RASSF1: variants seen among roughly 807,000 people sequenced by gnomAD.
RASSF1 encodes the protein Ras association domain family member 1, also known as ras association domain-containing protein 1.
In RASSF1, 33 loss-of-function variants were observed where a neutral mutation model predicts 34.3. The observed-to-expected ratio is 0.96, with a 90% CI of 0.73 to 1.29. RASSF1 has a LOEUF of 1.29. Ranked by LOEUF, RASSF1 falls within the 50% of genes most tolerant of loss-of-function variation. The pLI is 0.00. For synonymous variants in RASSF1, 191 were observed against 195.0 expected (o/e 0.98, Z 0.17); for missense variants, 445 against 471.8 (o/e 0.94, Z 0.53).
At chr3:50,339,770 C>G (rs1468530754) in intron 1 of RASSF1, among the ~76,000 whole-genome samples, 3 of 152,206 alleles carry the variant, frequency 2.0e-5, no homozygotes, top group Non-Finnish European at 4.4e-5. Flanking sequence ...CACACACAGA[C>G]CTGGGACACT....
In RASSF1 at chr3:50,337,899, G is replaced by T; in HGVS notation, c.357+6C>A. 6.3e-7 allele frequency: 1 copy of T among 1,593,244 alleles called. No individual in the cohort carries two copies. The highest frequency in any genetic ancestry group is 8.6e-7 in the Non-Finnish European group (1 of 1,162,432). ...CCTTCCCATACGCCCTCGGCCCCGC[G>T]CTCACCACGTTCGTGTCCCGCTCCA... On this transcript the variant is annotated splice_donor_region_variant and intron_variant, in intron 2 of 5. Coordinates refer to ENST00000359365, the MANE Select transcript of RASSF1 (RefSeq NM_007182.5).
intron 2 of RASSF1, among the ~76,000 whole-genome samples, chr3:50,333,939 CAGAT>C (rs1317969096): frequency 1.3e-5 from 2 of 152,212 alleles, no homozygotes; most frequent in Non-Finnish European, 2.9e-5. Flanking sequence ...CTGTTGACGT[CAGAT>C]AGGCCCTAGT....
At chr3:50,337,405 T>A in intron 2 of RASSF1, 2 of 1,586,660 alleles carry the variant, frequency 1.3e-6, no homozygotes, top group Non-Finnish European at 1.7e-6. Context: ...CGCGTGTCAG[T>A]GTGCGCGTGC....
intron 2 of RASSF1, chr3:50,337,603 G>A: frequency 1.7e-6 from 2 of 1,207,266 alleles, no homozygotes; most frequent in Non-Finnish European, 1.1e-6. Flanking sequence ...GGGTGCCAGC[G>A]TCCGGGCAAG....
rs587745848 is a variant in RASSF1 at position 50,340,816 on chromosome 3, GGCCCGT to G, written c.-17_-12del. 9,344 of 1,483,702 alleles carry G rather than the reference GGCCCGT, an allele frequency of 6.3e-3. 47 individuals are homozygous for G. The highest frequency in any genetic ancestry group is 7.4e-3 in the Non-Finnish European group (8,411 of 1,129,216). 91.9% of individuals were successfully genotyped at this position (1,483,702 alleles called of 1,614,324 possible). A position where few individuals can be genotyped will look rare whatever the true frequency, so the allele number is the denominator to read the frequency against. On this transcript the variant is annotated 5_prime_UTR_variant, in exon 1 of 6. Transcript: ENST00000359365. ...AGGCTCCCCCGACATGGCCCGGTTGGGCCCGTGCTTCGCTGGCTTTGGGCGCTAGCA... is the reference window on the plus strand; with the variant it reads ...AGGCTCCCCCGACATGGCCCGGTTGGGCTTCGCTGGCTTTGGGCGCTAGCA...
At chr3:50,338,278 A>C in intron 1 of RASSF1, 1 of 1,173,254 alleles carries the variant, frequency 8.5e-7, no homozygotes, top group Non-Finnish European at 1.1e-6. Context: ...CTCATTGGCA[A>C]TTAAAAAAAC....
chr3:50,337,529 C>A, intron 2 of RASSF1: 1 of 1,509,224 alleles, frequency 6.6e-7, no homozygotes, highest in Non-Finnish European at 8.9e-7. Context: ...GCTTCGCCCC[C>A]AGGAATGACC....
intron 2 of RASSF1, chr3:50,337,397 C>A: frequency 6.3e-7 from 1 of 1,590,316 alleles, no homozygotes; most frequent in African/African-American, 1.3e-5. Context: ...TGCGTGTACG[C>A]GTGTCAGTGT....
chr3:50,337,018 G>T, intron 2 of RASSF1: 1 of 1,078,752 alleles, frequency 9.3e-7, no homozygotes, highest in Non-Finnish European at 1.3e-6. Flanking sequence ...TCTTACGCAC[G>T]GTTCCGCGGG....
At chr3:50,336,005 T>TA (rs1703122936) in intron 2 of RASSF1, among the ~76,000 whole-genome samples, 1 of 152,196 alleles carries the variant, frequency 6.6e-6, no homozygotes, top group African/African-American at 2.4e-5. Flanking sequence ...CAGGTTCAAG[T>TA]GATCCTTCTG....
At chr3:50,337,381 C>A in intron 2 of RASSF1, 1 of 1,595,840 alleles carries the variant, frequency 6.3e-7, no homozygotes, top group South Asian at 1.1e-5. Context: ...GCCCCGGTCG[C>A]GTGCGTGCGT....
At chr3:50,335,250 A>T (rs1284330393) in intron 2 of RASSF1, among the ~76,000 whole-genome samples, 1 of 151,692 alleles carries the variant, frequency 6.6e-6, no homozygotes, top group Non-Finnish European at 1.5e-5. Context: ...ACCTGGCCTA[A>T]AACTGATGTT....
chr3:50,331,301 T>A, intron 5 of RASSF1, 33 bp downstream of exon 5: 1 of 1,462,584 alleles, frequency 6.8e-7, no homozygotes, highest in South Asian at 1.3e-5. Context: ...TCCTGTCTAG[T>A]GACAACCAAG....
intron 2 of RASSF1, among the ~76,000 whole-genome samples, chr3:50,333,212 C>T (rs774035597): frequency 1.3e-5 from 2 of 152,236 alleles, no homozygotes; most frequent in African/African-American, 4.8e-5. Context: ...TCCTCTGCCC[C>T]GGCACGGGGC....
At position 50,332,885 on chromosome 3, in the gene RASSF1, A is replaced by G. The variant is rs188647704; in HGVS notation, c.358-731T>C. Among the ~76,000 whole-genome samples, 398 of 152,294 alleles carry G rather than the reference A, an allele frequency of 2.6e-3. 2 individuals are homozygous for G. Among genetic ancestry groups the G allele is most frequent in the African/African-American group, 9.2e-3 (382 of 41,574 alleles). On this transcript the variant is annotated intron_variant, in intron 2 of 5. Coordinates refer to ENST00000359365, the MANE Select transcript of RASSF1 (RefSeq NM_007182.5). ...CGAGGCGGGTGGATCACCTGAGGTCAGGAGTTTGAGACCAGCCTGACCAAC... is the reference window on the plus strand; with the variant it reads ...CGAGGCGGGTGGATCACCTGAGGTCGGGAGTTTGAGACCAGCCTGACCAAC...
In RASSF1 at chr3:50,340,552, TCA is replaced by T. The variant is rs745605038; in HGVS notation, c.250+2_250+3del. 25 of 1,514,094 alleles carry T rather than the reference TCA, an allele frequency of 1.7e-5. No individual in the cohort carries two copies. The highest frequency in any genetic ancestry group is 2.2e-5 in the Non-Finnish European group (25 of 1,141,652). The allele number at this position is 1,514,094 out of a possible 1,614,324, so 93.8% of individuals were successfully genotyped here. On this transcript the variant is annotated splice_donor_variant and splice_donor_region_variant and intron_variant, in intron 1 of 5. Coordinates refer to ENST00000359365, the MANE Select transcript of RASSF1 (RefSeq NM_007182.5). LOFTEE classifies it high-confidence loss of function. Reference sequence around the variant, plus strand: ...TCTCGTAGGCGCGCGGGGCCACTACTCACGCGCGCACTGCAGGCCTTTGCGCA... The same window carrying T: ...TCTCGTAGGCGCGCGGGGCCACTACTCGCGCGCACTGCAGGCCTTTGCGCA...
chr3:50,331,868 G>A lies in RASSF1; in HGVS notation c.463-12C>T, dbSNP rs768144555. 6.4e-7 allele frequency: 1 copy of A among 1,550,666 alleles called. No individual in the cohort carries two copies. The highest frequency in any genetic ancestry group is 8.7e-7 in the Non-Finnish European group (1 of 1,146,298). ...GAACCGTCCTTGTTCTAAAGAAATA[G>A]AGAAACCAAACCTTGATAATAGGTT... On this transcript the variant is annotated splice_polypyrimidine_tract_variant and intron_variant, in intron 3 of 5. Transcript: ENST00000359365.
chr3:50,332,066 T>C lies in RASSF1; in HGVS notation c.446A>G (p.Asn149Ser). Residue 149 changes from asparagine (N) to serine (S), a missense_variant, in exon 3 of 6, where the codon AAC becomes AGC. By Grantham distance (46) the Asn-to-Ser change is conservative. Transcript: ENST00000359365. The part of the protein sequence containing the change: ...IKEYNAQINS[N>S]LFMSLNKDGS... ...TCAACTCACCAAGCTCATGAAGAGG[T>C]TGCTGTTGATCTGGGCATTGTACTC... 6 of 1,613,978 alleles carry C rather than the reference T, an allele frequency of 3.7e-6. No individual in the cohort carries two copies. Among genetic ancestry groups the C allele is most frequent in the Non-Finnish European group, 5.1e-6 (6 of 1,179,980 alleles).
Position 50,331,854 on chromosome 3 carries a change from G to A in RASSF1, c.465C>T (p.Asn155=). ...QINSNLFMSL[N]KDGSYTGFIK... is the part of the protein sequence containing the mutation. ...TGAAGCCTGTGTAAGAACCGTCCTT[G>A]TTCTAAAGAAATAGAGAAACCAAAC... The change falls in exon 4 of 6, where the codon AAC becomes AAT. Residue 155 remains asparagine, a splice_region_variant and synonymous_variant. Coordinates refer to ENST00000359365, the MANE Select transcript of RASSF1 (RefSeq NM_007182.5). 6.4e-7 allele frequency: 1 copy of A among 1,559,334 alleles called. No individual in the cohort carries two copies. Among genetic ancestry groups the A allele is most frequent in the Non-Finnish European group, 8.7e-7 (1 of 1,149,866 alleles).
Sources: gnomAD v4.1 joint callset for allele counts (sites outside exome capture counted in the v4.1 genomes callset) on GRCh38, gnomAD v4.1.1 for gene constraint, MANE v1.5 for transcripts, NCBI Gene and HGNC (gene_info 2026-07-23, HGNC 2026-07-21) for gene names.